The following VWF variants were observed in gnomAD, a reference collection of about 807,000 sequenced individuals.
VWF encodes von Willebrand factor, also known as Factor VIII related antigen.
VWF carries 176 observed loss-of-function variants against 308.6 expected under a neutral mutation model. The observed-to-expected ratio is 0.57, with a 90% confidence interval of 0.50 to 0.65. The LOEUF (loss-of-function observed/expected upper bound fraction) is 0.65, where lower values mean the gene tolerates loss of function less well. Among genes scored for constraint, VWF ranks in the 30% least tolerant of loss-of-function variants. The pLI, the probability that VWF is intolerant of heterozygous loss-of-function variation, is 0.00. For synonymous variants in VWF, 1,385 were observed against 1,443.4 expected (o/e 0.96, Z 0.92); for missense variants, 3,146 against 3,648.2 (o/e 0.86, Z 3.55).
chr12:6,111,768 G>A (rs1252290777), intron 3 of VWF, among the ~76,000 whole-genome samples: 1 of 150,018 alleles, frequency 6.7e-6, no homozygotes, highest in African/African-American at 2.5e-5. Flanking sequence ...GGCTAACACG[G>A]TGAAACCCCG....
intron 27 of VWF, chr12:6,021,100 T>G (rs1302376181): frequency 6.6e-6 from 1 of 152,282 alleles, no homozygotes; most frequent in Non-Finnish European, 1.5e-5. Flanking sequence ...CTTTCTAGTT[T>G]CCTGTGTTTG....
chr12:5,989,835 A>C (rs1943718309), intron 38 of VWF, among the ~76,000 whole-genome samples: 1 of 152,210 alleles, frequency 6.6e-6, no homozygotes, highest in African/African-American at 2.4e-5. Context: ...CGCCAAGGAA[A>C]AGATCATTTC....
intron 3 of VWF, among the ~76,000 whole-genome samples, chr12:6,113,077 T>C (rs555051708): frequency 6.6e-6 from 1 of 152,056 alleles, no homozygotes; most frequent in Non-Finnish European, 1.5e-5. Flanking sequence ...ATAAACCACA[T>C]TCTGCGGAGC....
intron 6 of VWF, among the ~76,000 whole-genome samples, chr12:6,088,543 G>A (rs1215097348): frequency 6.6e-6 from 1 of 151,528 alleles, no homozygotes; most frequent in Non-Finnish European, 1.5e-5. Context: ...GCAAAAGCAT[G>A]CTATGAGCTG....
At chr12:5,963,110 G>GA (rs1228051005) in intron 47 of VWF, among the ~76,000 whole-genome samples, 3 of 152,006 alleles carry the variant, frequency 2.0e-5, no homozygotes, top group Non-Finnish European at 4.4e-5. Flanking sequence ...AACCATAAAA[G>GA]AAAAACATCT....
chr12:6,111,678 C>T lies in VWF; in HGVS notation c.221-710G>A, dbSNP rs1327545726. Among the ~76,000 whole-genome samples, 7 of 152,046 alleles carry T rather than the reference C, an allele frequency of 4.6e-5. No individual in the cohort carries two copies. In the East Asian group the frequency reaches 7.7e-4, roughly 17 times the overall value. ...TATTTAAAATGGTATCGGTCGAGTG[C>T]GGTGGCTCACGCCTGTAATCCCAGC... On this transcript the variant is annotated intron_variant, in intron 3 of 51. Transcript: ENST00000261405.
chr12:6,040,972 T>C (rs774802489), intron 18 of VWF, among the ~76,000 whole-genome samples: 1 of 152,200 alleles, frequency 6.6e-6, no homozygotes, highest in Admixed American at 6.5e-5. Context: ...TCAAAGTGCA[T>C]TCCCTGGGCC....
intron 3 of VWF, among the ~76,000 whole-genome samples, chr12:6,113,279 A>G (rs1319116260): frequency 6.6e-6 from 1 of 151,866 alleles, no homozygotes; most frequent in African/African-American, 2.4e-5. Context: ...CAACTGGAAA[A>G]GTGATTGCGT....
At position 6,063,998 on chromosome 12, in the gene VWF, C is replaced by G. The variant is rs1944684913; in HGVS notation, c.1432+248G>C. 6.6e-6 allele frequency among the ~76,000 whole-genome samples: 1 copy of G among 152,228 alleles called. No homozygotes were observed. The highest frequency in any genetic ancestry group is 2.4e-5 in the African/African-American group (1 of 41,466). ...TCGGTTCCCTTTTCCCATCTACACT[C>G]TGTCCCAGGTCTAGAGCAACCTCTT... is the stretch of plus-strand genomic sequence containing the variant. On this transcript the variant is annotated intron_variant, in intron 12 of 51. Coordinates refer to ENST00000261405, the MANE Select transcript of VWF (RefSeq NM_000552.5). This position sits in a 1 kb window ranked among gnomAD's most constrained non-coding sequence, Gnocchi z 4.9.
rs12099542 is a variant in VWF at position 5,994,832 on chromosome 12, C to T, written c.6064-225G>A. 0.082 allele frequency among the ~76,000 whole-genome samples: 12,514 copies of T among 152,144 alleles called. 982 individuals are homozygous for T. The highest frequency in any genetic ancestry group is 0.39 in the East Asian group (2,036 of 5,162). On this transcript the variant is annotated intron_variant, in intron 35 of 51. Coordinates refer to ENST00000261405, the MANE Select transcript of VWF (RefSeq NM_000552.5). ...GAAAACAGGCTGTTGTAATACTGTA[C>T]GGGTGGCCATGCACCAAGAACCTAA...
intron 47 of VWF, among the ~76,000 whole-genome samples, chr12:5,967,275 G>A (rs915140019): frequency 3.3e-5 from 5 of 152,202 alleles, no homozygotes; most frequent in Non-Finnish European, 5.9e-5. Flanking sequence ...GGAAGAAAAT[G>A]TTTGCAACTT....
chr12:5,998,458 A>T (rs1198365744), intron 34 of VWF, among the ~76,000 whole-genome samples: 1 of 104,978 alleles, frequency 9.5e-6, no homozygotes, highest in Non-Finnish European at 1.8e-5. Flanking sequence ...AGATTCCGAG[A>T]CTCCGTCAAA....
chr12:6,110,334 T>C (rs780966171), intron 5 of VWF, 40 bp downstream of exon 5: 8 of 1,603,200 alleles, frequency 5.0e-6, no homozygotes, highest in East Asian at 2.2e-5. Context: ...ATAAAAAGCA[T>C]GGCCACACTT....
At chr12:6,074,126 C>T (rs1341434555) in intron 7 of VWF, among the ~76,000 whole-genome samples, 1 of 152,070 alleles carries the variant, frequency 6.6e-6, no homozygotes, top group African/African-American at 2.4e-5. Flanking sequence ...CCATGGTGCC[C>T]TCCATCCCAT....
At chr12:6,073,216 C>G (rs1232027805) in intron 8 of VWF, among the ~76,000 whole-genome samples, 1 of 152,196 alleles carries the variant, frequency 6.6e-6, no homozygotes, top group Non-Finnish European at 1.5e-5. Flanking sequence ...ACCAAGCCTC[C>G]CCTGAAAAGA....
Position 5,968,405 on chromosome 12 carries a change from C to T in VWF, c.7730-238G>A, listed in dbSNP as rs190978454. ...GCCCCGTACGTTCTCCAAGTGACAGCGCTTGCTTATGTGAATTTACATTTA... is the reference window on the plus strand; with the variant it reads ...GCCCCGTACGTTCTCCAAGTGACAGTGCTTGCTTATGTGAATTTACATTTA... On this transcript the variant is annotated intron_variant, in intron 45 of 51. Coordinates refer to ENST00000261405, the MANE Select transcript of VWF (RefSeq NM_000552.5). Among the ~76,000 whole-genome samples, 50 of 152,218 alleles carry T rather than the reference C, an allele frequency of 3.3e-4. 1 individual carries two copies. The highest frequency in any genetic ancestry group is 5.2e-4 in the Admixed American group (8 of 15,298).
intron 38 of VWF, among the ~76,000 whole-genome samples, chr12:5,989,367 A>G (rs945334830): frequency 1.3e-5 from 2 of 152,228 alleles, no homozygotes; most frequent in Non-Finnish European, 2.9e-5. Flanking sequence ...AGTTTAAAAA[A>G]AAAAGTTTCT....
chr12:6,051,286 C>CTTTTTTTTTTTTT (rs55842185), intron 16 of VWF, among the ~76,000 whole-genome samples: 35 of 117,528 alleles, frequency 3.0e-4, no homozygotes, highest in African/African-American at 1.1e-3. Flanking sequence ...TTCTTTTTTT[C>CTTTTTTTTTTTTT]TTTTTTTTTT....
chr12:6,004,137 ATAAG>A (rs1943902993), intron 34 of VWF, among the ~76,000 whole-genome samples: 1 of 152,214 alleles, frequency 6.6e-6, no homozygotes, highest in Non-Finnish European at 1.5e-5. Flanking sequence ...GAAAATTTAA[ATAAG>A]TAGTGTTAAA....
Sources: allele counts gnomAD v4.1 joint callset (sites outside exome capture counted in the v4.1 genomes callset), GRCh38; gene constraint gnomAD v4.1.1; non-coding constraint Gnocchi (gnomAD v3.1); transcripts MANE v1.5; gene names NCBI Gene and HGNC (gene_info 2026-07-23, HGNC 2026-07-21).